The following RCAN2 variants were observed in gnomAD, a reference collection of about 807,000 sequenced individuals.
RCAN2 encodes the protein regulator of calcineurin 2.
In RCAN2, 9 loss-of-function variants were observed where a neutral mutation model predicts 23.6. The observed-to-expected ratio is 0.38, with a 90% confidence interval of 0.23 to 0.67. The LOEUF (loss-of-function observed/expected upper bound fraction) is 0.67. Among genes scored for constraint, RCAN2 ranks in the 30% least tolerant of loss-of-function variants. The probability of loss-of-function intolerance (pLI) is 0.51; values close to 1 mark genes in which losing one functional copy is unlikely to be tolerated. For missense variants in RCAN2, 273 were observed against 302.3 expected, an observed-to-expected ratio of 0.90 and a Z score of 0.72; for synonymous variants, 109 against 115.7, an observed-to-expected ratio of 0.94 and a Z score of 0.37.
chr6:46,292,420 TTTG>T (rs1390073738), intron 2 of RCAN2, among the ~76,000 whole-genome samples: 9 of 141,376 alleles, frequency 6.4e-5, no homozygotes, highest in African/African-American at 2.7e-4. Flanking sequence ...TGGGAGTTGA[TTTG>T]TTGTTTTTTT....
intron 4 of RCAN2, among the ~76,000 whole-genome samples, chr6:46,246,150 T>A (rs765571090): frequency 6.6e-6 from 1 of 152,124 alleles, no homozygotes; most frequent in South Asian, 2.1e-4. Context: ...CTAAATAAAG[T>A]GTGGTGGTAG....
chr6:46,257,400 A>G (rs1187795009), intron 2 of RCAN2, among the ~76,000 whole-genome samples: 1 of 152,206 alleles, frequency 6.6e-6, no homozygotes, highest in Non-Finnish European at 1.5e-5. Flanking sequence ...TCACACTGCT[A>G]TAAAGAAATA....
rs113743750 is a variant in RCAN2, at chr6:46,325,672, C to T, written c.226-76776G>A. On this transcript the variant is annotated intron_variant, in intron 2 of 4. Transcript: ENST00000371374. ...CGTCTGAGGCAGCACAGCAGAGTAA[C>T]GAACGGCCCGGCTCGCTCATGGCAA... 2,244 of 1,384,894 alleles carry T rather than the reference C, an allele frequency of 1.6e-3. 5 individuals are homozygous for T. The highest frequency in any genetic ancestry group is 1.9e-3 in the Non-Finnish European group (2,090 of 1,072,330). 85.8% of individuals were successfully genotyped at this position (1,384,894 alleles called of 1,614,324 possible). A position where few individuals can be genotyped will look rare whatever the true frequency, so the allele number is the denominator to read the frequency against.
At position 46,247,251 on chromosome 6, in the gene RCAN2, TG is replaced by T. The variant is rs1582026930; in HGVS notation, c.400-333del. ...CTAATAGATCCCCAGGCTATGCTGT[TG>T]GCTGCCAGTCCACTGTCCCACCACG... On this transcript the variant is annotated intron_variant, in intron 3 of 4. Coordinates refer to ENST00000371374, the MANE Select transcript of RCAN2 (RefSeq NM_001251974.2). Among the ~76,000 whole-genome samples, 4 of 152,300 alleles carry T rather than the reference TG, an allele frequency of 2.6e-5. No homozygotes were observed. In the East Asian group the frequency reaches 7.7e-4, roughly 29 times the overall value.
chr6:46,420,169 C>A (rs896789145), intron 2 of RCAN2, among the ~76,000 whole-genome samples: 2 of 150,606 alleles, frequency 1.3e-5, no homozygotes, highest in African/African-American at 4.9e-5. Flanking sequence ...ACAACCCTCA[C>A]ATTAAAAAAA....
intron 2 of RCAN2, among the ~76,000 whole-genome samples, chr6:46,314,593 A>G (rs1763374291): frequency 6.6e-6 from 1 of 152,124 alleles, no homozygotes; most frequent in Admixed American, 6.5e-5. Flanking sequence ...TAAACTAGAA[A>G]TGGAAATTGA....
chr6:46,317,716 C>T (rs9472737), intron 2 of RCAN2, among the ~76,000 whole-genome samples: 2,951 of 152,256 alleles, frequency 0.019, 101 homozygotes, highest in African/African-American at 0.066. Context: ...CTGCCCGCCT[C>T]GGCCTCCCAA....
At chr6:46,282,629 C>A (rs999574493) in intron 2 of RCAN2, among the ~76,000 whole-genome samples, 2 of 152,152 alleles carry the variant, frequency 1.3e-5, no homozygotes, top group African/African-American at 4.8e-5. Context: ...ACTGTGAAAC[C>A]AAAGCCTGTT....
At chr6:46,448,766 C>T (rs953661389) in intron 2 of RCAN2, among the ~76,000 whole-genome samples, 3 of 151,816 alleles carry the variant, frequency 2.0e-5, no homozygotes, top group Non-Finnish European at 4.4e-5. Context: ...AAGCATTTGA[C>T]AAAATTCAAC....
At chr6:46,402,395 A>C (rs1766273007) in intron 2 of RCAN2, among the ~76,000 whole-genome samples, 2 of 152,204 alleles carry the variant, frequency 1.3e-5, no homozygotes, top group African/African-American at 4.8e-5. Flanking sequence ...CCAGTTGCTC[A>C]GTCCCATTCT....
chr6:46,228,021 T>C (rs1582004379), intron 4 of RCAN2, among the ~76,000 whole-genome samples: 1 of 152,248 alleles, frequency 6.6e-6, no homozygotes, highest in Non-Finnish European at 1.5e-5. Flanking sequence ...TCTGCCTTCA[T>C]TTCCTTATGT....
In RCAN2 at chr6:46,491,426, C is replaced by G. The variant is rs926770560; in HGVS notation, c.-256G>C. ...CGCTCCTCCCCGCAACCTCCGCCGC[C>G]GTCACCCGGGACAAAGCGGCTCCAG... On this transcript the variant is annotated 5_prime_UTR_variant, in exon 1 of 5. Coordinates refer to ENST00000371374, the MANE Select transcript of RCAN2 (RefSeq NM_001251974.2). 2 of 152,344 alleles carry G rather than the reference C, an allele frequency of 1.3e-5. No individual in the cohort carries two copies. Among genetic ancestry groups the G allele is most frequent in the Admixed American group, 6.5e-5 (1 of 15,280 alleles). 9.4% of individuals were successfully genotyped at this position (152,344 alleles called of 1,614,324 possible). A position where few individuals can be genotyped will look rare whatever the true frequency, so the allele number is the denominator to read the frequency against.
chr6:46,482,875 T>A (rs1441905091), intron 1 of RCAN2, among the ~76,000 whole-genome samples: 2 of 152,206 alleles, frequency 1.3e-5, no homozygotes, highest in Non-Finnish European at 2.9e-5. Flanking sequence ...GTCATCTTTG[T>A]ATAAGCATAA....
At chr6:46,340,177 T>C (rs1764266868) in intron 2 of RCAN2, among the ~76,000 whole-genome samples, 1 of 152,184 alleles carries the variant, frequency 6.6e-6, no homozygotes, top group Non-Finnish European at 1.5e-5. Context: ...GCAGCTCCAC[T>C]TGCTACTACT....
chr6:46,412,194 G>A (rs1188189925), intron 2 of RCAN2, among the ~76,000 whole-genome samples: 1 of 152,152 alleles, frequency 6.6e-6, no homozygotes, highest in Non-Finnish European at 1.5e-5. Flanking sequence ...AGGGAAAGGA[G>A]GAAATAATGA....
chr6:46,469,259 C>T (rs183124632), intron 1 of RCAN2, among the ~76,000 whole-genome samples: 4 of 152,240 alleles, frequency 2.6e-5, no homozygotes, highest in South Asian at 2.1e-4. Flanking sequence ...CAAGATGATC[C>T]GTAATTAATC....
intron 2 of RCAN2, among the ~76,000 whole-genome samples, chr6:46,350,650 G>A (rs1035812437): frequency 6.6e-6 from 1 of 152,212 alleles, no homozygotes; most frequent in African/African-American, 2.4e-5. Context: ...CCACTGCAAA[G>A]GATATACAGG....
At chr6:46,427,344 A>C (rs57041732) in intron 2 of RCAN2, among the ~76,000 whole-genome samples, 3,571 of 152,316 alleles carry the variant, frequency 0.023, 68 homozygotes, top group South Asian at 0.12. Context: ...TTAGGCCCAC[A>C]TCCCTAGTTG....
At chr6:46,434,184 T>C (rs1767298587) in intron 2 of RCAN2, among the ~76,000 whole-genome samples, 2 of 152,240 alleles carry the variant, frequency 1.3e-5, no homozygotes, top group Admixed American at 6.5e-5. Flanking sequence ...TTTCCTAGGA[T>C]ACTGAATATT....
Sources: allele counts gnomAD v4.1 joint callset (sites outside exome capture counted in the v4.1 genomes callset), GRCh38; gene constraint gnomAD v4.1.1; transcripts MANE v1.5; gene names NCBI Gene and HGNC (gene_info 2026-07-23, HGNC 2026-07-21).